The following CCR3 variants were observed in gnomAD, a reference collection of about 807,000 sequenced individuals.
CCR3 encodes C-C motif chemokine receptor 3.
For missense variants in CCR3, 419 were observed against 437.5 expected, an observed-to-expected ratio of 0.96 and a Z score of 0.38; for synonymous variants, 203 against 179.2, an observed-to-expected ratio of 1.13 and a Z score of -1.06.
At chr3:46,238,634 G>A (rs988855029), upstream of CCR3, among the ~76,000 whole-genome samples, 3 of 152,136 alleles carry the variant, frequency 2.0e-5, no homozygotes, top group African/African-American at 7.2e-5. Context: ...TTATTAGTGC[G>A]TGGAAGTGTT....
chr3:46,253,933 A>G (rs1047798243), intron 1 of CCR3, among the ~76,000 whole-genome samples: 1 of 151,896 alleles, frequency 6.6e-6, no homozygotes, highest in African/African-American at 2.4e-5. Context: ...AAAAAGGCTC[A>G]GAAAACTTGA....
At chr3:46,258,460 T>A (rs1211819528) in intron 1 of CCR3, among the ~76,000 whole-genome samples, 2 of 152,176 alleles carry the variant, frequency 1.3e-5, no homozygotes, top group Non-Finnish European at 2.9e-5. Flanking sequence ...TTATAGCATT[T>A]GGGATTGTGT....
chr3:46,265,353 C>T lies in CCR3; in HGVS notation c.195C>T (p.Leu65=), dbSNP rs1426031263. 1.9e-6 allele frequency: 3 copies of T among 1,614,102 alleles called. No individual in the cohort carries two copies. The highest frequency in any genetic ancestry group is 1.1e-5 in the South Asian group (1 of 91,070). The change falls in exon 2 of 2, where the codon CTC becomes CTT. Residue 65 remains leucine (L), a synonymous_variant. Coordinates refer to ENST00000395940, the MANE Select transcript of CCR3 (RefSeq NM_178329.3). Reference sequence around the variant, plus strand: ...TGATCCTCATAAAATACAGGAGGCTCCGAATTATGACCAACATCTACCTGC... The same window carrying T: ...TGATCCTCATAAAATACAGGAGGCTTCGAATTATGACCAACATCTACCTGC... The part of the protein sequence containing the change: ...VVMILIKYRR[L]RIMTNIYLLN...
rs76500356 is a variant in CCR3, at chr3:46,255,008, C to T, written c.-11-10140C>T. Among the ~76,000 whole-genome samples the T allele has an allele frequency of 2.9e-3, 438 of 152,190 alleles. 4 individuals are homozygous for T. The highest frequency in any genetic ancestry group is 3.5e-3 in the Non-Finnish European group (241 of 67,974). On this transcript the variant is annotated intron_variant, in intron 1 of 1. Transcript: ENST00000395940. ...TTTCCATAGGGGTTGTACTAGTTTA[C>T]ATACCCATCAACAGCATAAAGTGTT... is the stretch of plus-strand genomic sequence containing the variant.
intron 2 of CCR3, among the ~76,000 whole-genome samples, chr3:46,220,847 T>C (rs1457177672): frequency 6.6e-6 from 1 of 152,116 alleles, no homozygotes; most frequent in Non-Finnish European, 1.5e-5. Flanking sequence ...TCTGGAGACT[T>C]AGACGGAAGG....
intron 2 of CCR3, among the ~76,000 whole-genome samples, chr3:46,223,381 G>A (rs1453009831): frequency 6.6e-6 from 1 of 152,110 alleles, no homozygotes; most frequent in Non-Finnish European, 1.5e-5. Context: ...TTTGAGTCTG[G>A]GCTTACATAC....
upstream of CCR3, among the ~76,000 whole-genome samples, chr3:46,241,735 AC>A (rs1421761648): frequency 3.9e-5 from 6 of 151,990 alleles, no homozygotes; most frequent in Non-Finnish European, 8.8e-5. Context: ...ACTTGTCTAA[AC>A]CTTTGCAGCC....
intron 2 of CCR3, among the ~76,000 whole-genome samples, chr3:46,225,245 C>T (rs996680859): frequency 8.5e-5 from 13 of 152,168 alleles, no homozygotes; most frequent in African/African-American, 1.9e-4. Context: ...TGCTAGGGAA[C>T]ATTCTGGGGT....
Position 46,265,141 on chromosome 3 carries a change from A to G in CCR3, c.-11-7A>G, listed in dbSNP as rs758927069. The G allele has an allele frequency of 4.5e-6, 7 of 1,551,340 alleles. No individual in the cohort carries two copies. Among genetic ancestry groups the G allele is most frequent in the Middle Eastern group, 1.7e-4 (1 of 5,776 alleles). On this transcript the variant is annotated splice_polypyrimidine_tract_variant and splice_region_variant and intron_variant, in intron 1 of 1. Coordinates refer to ENST00000395940, the MANE Select transcript of CCR3 (RefSeq NM_178329.3). ...TGTGGGATTGTATTTTTCTTCTTCT[A>G]TCACAGGGAGAAGTGAAATGACAAC... is the stretch of plus-strand genomic sequence containing the variant.
Position 46,233,025 on chromosome 3 carries a change from G to T in CCR3, c.-67-9377G>T, listed in dbSNP as rs536409187. Among the ~76,000 whole-genome samples, 9 of 152,320 alleles carry T rather than the reference G, an allele frequency of 5.9e-5. 1 individual carries two copies. The South Asian group carries it at 1.9e-3, about 32-fold the overall frequency. ...TTTTTGTATTTTTCGTAGAGACGGG[G>T]TTTCACCATGTTGGCCAGGCTGGTC... is the stretch of plus-strand genomic sequence containing the variant. On this transcript the variant is annotated intron_variant, in intron 2 of 3. Transcript: ENST00000357422.
In CCR3 at chr3:46,266,211, C is replaced by T. The variant is rs138237800; in HGVS notation, c.1053C>T (p.Leu351=). 11 of 1,610,938 alleles carry T rather than the reference C, an allele frequency of 6.8e-6. No individual in the cohort carries two copies. The African/African-American group carries it at 8.0e-5, about 12-fold the overall frequency. ...CTCCATCCACAGCAGAGCCGGAACT[C>T]TCTATTGTGTTTTAGGTCAGATGCA... The part of the protein sequence containing the change: ...SVSPSTAEPE[L]SIVF The change falls in exon 2 of 2, where the codon CTC becomes CTT. Residue 351 remains leucine, a synonymous_variant. Transcript: ENST00000395940.
chr3:46,221,944 C>A (rs1699841967), intron 2 of CCR3, among the ~76,000 whole-genome samples: 1 of 152,158 alleles, frequency 6.6e-6, no homozygotes, highest in African/African-American at 2.4e-5. Flanking sequence ...GCCCCCTAGT[C>A]CCTCCCCAGC....
intron 2 of CCR3, among the ~76,000 whole-genome samples, chr3:46,232,886 G>T (rs1699982297): frequency 6.6e-6 from 1 of 152,218 alleles, no homozygotes; most frequent in South Asian, 2.1e-4. Flanking sequence ...AGGCTGGAGT[G>T]CAGTGGCACA....
chr3:46,262,537 T>C (rs182697538), intron 1 of CCR3, among the ~76,000 whole-genome samples: 206 of 152,348 alleles, frequency 1.4e-3, no homozygotes, highest in African/African-American at 4.8e-3. Flanking sequence ...TAAAAGGCCA[T>C]TTTGAAAGCC....
At chr3:46,240,860 G>A (rs533863023), upstream of CCR3, among the ~76,000 whole-genome samples, 17 of 152,304 alleles carry the variant, frequency 1.1e-4, no homozygotes, top group Admixed American at 6.5e-4. Flanking sequence ...AGCGGTAAAG[G>A]TAGGTTTTGC....
chr3:46,227,310 T>C (rs549380789), intron 2 of CCR3, among the ~76,000 whole-genome samples: 2 of 150,146 alleles, frequency 1.3e-5, no homozygotes, highest in South Asian at 4.3e-4. Context: ...TTATTCCTTT[T>C]AATGGCTGAA....
At chr3:46,249,527 T>C (rs1403397829) in intron 1 of CCR3, among the ~76,000 whole-genome samples, 1 of 152,120 alleles carries the variant, frequency 6.6e-6, no homozygotes, top group African/African-American at 2.4e-5. Flanking sequence ...GCTCGGCATC[T>C]GTGATGGTCT....
At chr3:46,246,397 G>A (rs1334193073) in intron 1 of CCR3, among the ~76,000 whole-genome samples, 6 of 152,092 alleles carry the variant, frequency 3.9e-5, no homozygotes, top group Admixed American at 2.0e-4. Flanking sequence ...GATAAGGGTG[G>A]GGCCGTTTTA....
rs200517174 is a variant in CCR3, at chr3:46,265,202, C to T, written c.44C>T (p.Ser15Phe). ...ACAGTTGAGACCTTTGGTACCACAT[C>T]CTACTATGATGACGTGGGCCTGCTC... is the stretch of plus-strand genomic sequence containing the variant. ...LDTVETFGTT[S>F]YYDDVGLLCE... The change falls in exon 2 of 2, where the codon TCC becomes TTC. Residue 15 changes from serine to phenylalanine, a missense_variant. By Grantham distance (155) the Ser-to-Phe change is radical (BLOSUM62 -2). Transcript: ENST00000395940. 3.9e-5 allele frequency: 63 copies of T among 1,613,852 alleles called. No individual in the cohort carries two copies. Among genetic ancestry groups the T allele is most frequent in the Non-Finnish European group, 5.3e-5 (62 of 1,179,928 alleles).
Sources: allele counts gnomAD v4.1 joint callset (sites outside exome capture counted in the v4.1 genomes callset), GRCh38; gene constraint gnomAD v4.1.1; transcripts MANE v1.5; gene names NCBI Gene and HGNC (gene_info 2026-07-23, HGNC 2026-07-21).